CCDC73: variants seen among roughly 807,000 people sequenced by gnomAD.
CCDC73 encodes the protein coiled-coil domain containing 73.
CCDC73 carries 95 observed loss-of-function variants against 116.5 expected under a neutral mutation model. The ratio of observed to expected loss-of-function variants is 0.82; its 90% CI spans 0.69 to 0.97. The LOEUF (loss-of-function observed/expected upper bound fraction) is 0.97. CCDC73 is among the 50% of genes least tolerant of loss of function. The pLI is 0.00. For synonymous variants in CCDC73, 398 were observed against 401.3 expected (o/e 0.99, Z 0.10); for missense variants, 1,066 against 1,206.8 (o/e 0.88, Z 1.73).
chr11:32,808,642 G>GAA, the CCDC73 span, among the ~76,000 whole-genome samples: 132 of 144,508 alleles, frequency 9.1e-4, 1 homozygote, highest in East Asian at 0.021. Context: ...CCGTCTCAAA[G>GAA]AAAAAAAAAA....
intron 2 of CCDC73, among the ~76,000 whole-genome samples, chr11:32,743,185 C>A (rs4756198): frequency 0.3 from 45,493 of 152,020 alleles, 6,962 homozygotes; most frequent in South Asian, 0.35. Flanking sequence ...TTTTCCAATT[C>A]TGTGAAAAGG....
intron 2 of CCDC73, among the ~76,000 whole-genome samples, chr11:32,745,476 G>A (rs1010375798): frequency 9.9e-5 from 15 of 151,308 alleles, no homozygotes; most frequent in African/African-American, 2.2e-4. Context: ...TTTTTGCCTC[G>A]TTGATCTAAT....
At chr11:32,695,835 G>GT (rs1273552066) in intron 6 of CCDC73, among the ~76,000 whole-genome samples, 72 of 110,612 alleles carry the variant, frequency 6.5e-4, no homozygotes, top group East Asian at 5.1e-3. Context: ...TTTTGTTTTT[G>GT]TTTTTTTTTA....
At chr11:32,667,727 C>T (rs1488361343) in intron 9 of CCDC73, among the ~76,000 whole-genome samples, 19 of 152,228 alleles carry the variant, frequency 1.2e-4, no homozygotes. Context: ...GTTGGAAATG[C>T]AGAAATCACC....
chr11:32,657,233 G>A (rs894457713), intron 9 of CCDC73, among the ~76,000 whole-genome samples: 1 of 152,262 alleles, frequency 6.6e-6, no homozygotes, highest in Non-Finnish European at 1.5e-5. Flanking sequence ...ACTCACCCAA[G>A]TATATCCTAA....
At chr11:32,725,289 T>G (rs1850021502) in intron 2 of CCDC73, among the ~76,000 whole-genome samples, 1 of 152,188 alleles carries the variant, frequency 6.6e-6, no homozygotes. Flanking sequence ...TATATTGCTA[T>G]AATTGTTCTA....
At chr11:32,730,479 C>T (rs577781435) in intron 2 of CCDC73, among the ~76,000 whole-genome samples, 2 of 152,240 alleles carry the variant, frequency 1.3e-5, no homozygotes, top group South Asian at 4.1e-4. Context: ...TTTAAAGGTG[C>T]CATTCTATTG....
chr11:32,801,460 G>T, the CCDC73 span, among the ~76,000 whole-genome samples: 29 of 152,248 alleles, frequency 1.9e-4, 1 homozygote, highest in East Asian at 5.6e-3. Flanking sequence ...GGCCAACATA[G>T]TGAAACCCCG....
At chr11:32,744,002 G>A (rs1202188651) in intron 2 of CCDC73, among the ~76,000 whole-genome samples, 1 of 152,182 alleles carries the variant, frequency 6.6e-6, no homozygotes, top group Non-Finnish European at 1.5e-5. Flanking sequence ...CAAAGGGAAT[G>A]CTTCCAGTCT....
intron 2 of CCDC73, among the ~76,000 whole-genome samples, chr11:32,732,388 C>A (rs970368859): frequency 1.3e-5 from 2 of 152,048 alleles, no homozygotes; most frequent in Middle Eastern, 3.2e-3. Context: ...CCAAGGCAGG[C>A]CAACATTAAA....
At chr11:32,717,625 A>T (rs1305501653) in intron 3 of CCDC73, among the ~76,000 whole-genome samples, 1 of 152,252 alleles carries the variant, frequency 6.6e-6, no homozygotes, top group African/African-American at 2.4e-5. Context: ...TTTAAAAATT[A>T]ACTTGGCAAT....
intron 9 of CCDC73, among the ~76,000 whole-genome samples, chr11:32,671,401 A>C: frequency 9.7e-6 from 1 of 102,998 alleles, no homozygotes; most frequent in South Asian, 3.9e-4. Flanking sequence ...TTTGCTCCAA[A>C]AAAAAAAAAA....
chr11:32,806,642 A>AAAAAAG, the CCDC73 span, among the ~76,000 whole-genome samples: 3 of 151,536 alleles, frequency 2.0e-5, no homozygotes, highest in African/African-American at 7.3e-5. Context: ...AAAAAAAAAA[A>AAAAAAG]AAAGAAAGAA....
the CCDC73 span, among the ~76,000 whole-genome samples, chr11:32,820,036 T>G: frequency 6.6e-6 from 1 of 152,224 alleles, no homozygotes; most frequent in South Asian, 2.1e-4. Context: ...AATATTGCTT[T>G]TGTAATAGAA....
chr11:32,747,075 G>T (rs1390713846), intron 2 of CCDC73, among the ~76,000 whole-genome samples: 1 of 152,114 alleles, frequency 6.6e-6, no homozygotes. Context: ...ATCTACCTTT[G>T]GTCTTTGATG....
intron 2 of CCDC73, among the ~76,000 whole-genome samples, chr11:32,722,192 T>C (rs1849995775): frequency 6.6e-6 from 1 of 152,222 alleles, no homozygotes; most frequent in South Asian, 2.1e-4. Flanking sequence ...GTGATTTTCA[T>C]CATGCTTTCC....
At chr11:32,705,649 C>A (rs993993714) in intron 3 of CCDC73, among the ~76,000 whole-genome samples, 1 of 152,118 alleles carries the variant, frequency 6.6e-6, no homozygotes, top group African/African-American at 2.4e-5. Flanking sequence ...CCAGCGGGTG[C>A]GAGCAAAACT....
chr11:32,667,317 C>G (rs564281282), intron 9 of CCDC73, among the ~76,000 whole-genome samples: 2 of 152,222 alleles, frequency 1.3e-5, no homozygotes, highest in African/African-American at 4.8e-5. Flanking sequence ...CCACCCAGTT[C>G]GAGCTTCCTG....
At chr11:32,713,827 G>A (rs1341490711) in intron 3 of CCDC73, among the ~76,000 whole-genome samples, 2 of 151,932 alleles carry the variant, frequency 1.3e-5, no homozygotes, top group Non-Finnish European at 2.9e-5. Flanking sequence ...GGATGTCTCT[G>A]GTGTACAGCT....
Sources: allele counts gnomAD v4.1 joint callset (sites outside exome capture counted in the v4.1 genomes callset), GRCh38; gene constraint gnomAD v4.1.1; transcripts MANE v1.5; gene names NCBI Gene and HGNC (gene_info 2026-07-23, HGNC 2026-07-21).